Variants in NCKAP5 observed in about 807,000 individuals in gnomAD.
The protein encoded by NCKAP5 is NCK associated protein 5, also known as nck-associated protein 5.
Under a neutral mutation model 167.0 loss-of-function variants are expected in NCKAP5, and 92 were observed. The ratio of observed to expected loss-of-function variants is 0.55; its 90% CI spans 0.47 to 0.66. NCKAP5 has a LOEUF of 0.66. NCKAP5 is among the 30% of genes least tolerant of loss of function. NCKAP5 has a pLI of 0.00. For missense variants in NCKAP5, 2,378 were observed against 2,315.0 expected (o/e 1.03, Z -0.56); for synonymous variants, 891 against 877.4 (o/e 1.02, Z -0.27).
chr2:133,607,791 A>C, the NCKAP5 span, among the ~76,000 whole-genome samples: 1 of 152,196 alleles, frequency 6.6e-6, no homozygotes, highest in African/African-American at 2.4e-5. Flanking sequence ...TATGATTCAA[A>C]CCCTGCCATC....
chr2:133,440,492 C>T lies in NCKAP5; in HGVS notation c.69+76966G>A, dbSNP rs1272690933. On this transcript the variant is annotated intron_variant, in intron 3 of 19. Transcript: ENST00000409261. ...TTGGGAGGCCGAGGAGGGTGGATCA[C>T]AGGGTCAGGAGATCGAGACCATCCT... Among the ~76,000 whole-genome samples, 3 of 151,906 alleles carry T rather than the reference C, an allele frequency of 2.0e-5. No homozygotes were observed. In the East Asian group the frequency reaches 5.8e-4, roughly 29 times the overall value.
the NCKAP5 span, among the ~76,000 whole-genome samples, chr2:133,641,948 T>C: frequency 3.3e-5 from 5 of 152,320 alleles, no homozygotes; most frequent in African/African-American, 1.2e-4. Flanking sequence ...TATAGAAGGA[T>C]ACCTTAGGCT....
chr2:132,991,947 T>G (rs2077461082), intron 7 of NCKAP5, among the ~76,000 whole-genome samples: 1 of 152,236 alleles, frequency 6.6e-6, no homozygotes, highest in African/African-American at 2.4e-5. Context: ...AAATAGAATT[T>G]GTGAGATGAA....
At chr2:132,743,566 G>A (rs977674407) in intron 16 of NCKAP5, among the ~76,000 whole-genome samples, 13 of 151,200 alleles carry the variant, frequency 8.6e-5, no homozygotes, top group Non-Finnish European at 1.8e-4. Context: ...AGTTACAAGA[G>A]GAAATAAAGC....
intron 6 of NCKAP5, among the ~76,000 whole-genome samples, chr2:133,002,255 A>C (rs2077810091): frequency 6.6e-6 from 1 of 152,122 alleles, no homozygotes; most frequent in Non-Finnish European, 1.5e-5. Flanking sequence ...AATGCCTAAA[A>C]CCCTGGATAC....
At chr2:133,575,315 C>A in the NCKAP5 span, among the ~76,000 whole-genome samples, 1 of 152,200 alleles carries the variant, frequency 6.6e-6, no homozygotes, top group Non-Finnish European at 1.5e-5. Context: ...GTACAATAAC[C>A]ATTGTTCAAT....
At chr2:132,938,832 G>A (rs1333252526) in intron 8 of NCKAP5, among the ~76,000 whole-genome samples, 3 of 152,128 alleles carry the variant, frequency 2.0e-5, no homozygotes, top group Non-Finnish European at 4.4e-5. Context: ...GTGTCTGTGA[G>A]GCAAAGTCAA....
At chr2:133,524,503 A>G (rs1684712794) in intron 2 of NCKAP5, among the ~76,000 whole-genome samples, 1 of 152,206 alleles carries the variant, frequency 6.6e-6, no homozygotes, top group African/African-American at 2.4e-5. Context: ...ATGTACGTAT[A>G]TCATAAAACC....
At chr2:133,282,005 G>A (rs996737256) in intron 4 of NCKAP5, among the ~76,000 whole-genome samples, 1 of 152,130 alleles carries the variant, frequency 6.6e-6, no homozygotes, top group Non-Finnish European at 1.5e-5. Context: ...AGAGGAGCAG[G>A]AGTTGCAATT....
chr2:132,862,117 G>C (rs904761336), intron 10 of NCKAP5, among the ~76,000 whole-genome samples: 25 of 152,200 alleles, frequency 1.6e-4, no homozygotes, highest in African/African-American at 5.5e-4. Flanking sequence ...AAGCAAGGGA[G>C]AGCCCAAGCC....
intron 5 of NCKAP5, among the ~76,000 whole-genome samples, chr2:133,180,585 C>T (rs1377647471): frequency 2.0e-5 from 3 of 152,060 alleles, no homozygotes; most frequent in Admixed American, 6.6e-5. Flanking sequence ...GCCATCCATC[C>T]GCCTTGGCCT....
rs1689335104 is a variant in NCKAP5 at position 132,854,813 on chromosome 2, T to C, written c.807+5679A>G. On this transcript the variant is annotated intron_variant, in intron 11 of 19. Transcript: ENST00000409261. ...AATTTGGTAATCGAATGAAGAGGAG[T>C]GGCAGGGGTGGGGTGGGCAGGAGTA... is the stretch of plus-strand genomic sequence containing the variant. 5.3e-5 allele frequency among the ~76,000 whole-genome samples: 8 copies of C among 151,994 alleles called. No homozygotes were observed. The South Asian group carries it at 1.7e-3, about 32-fold the overall frequency.
chr2:133,368,015 C>T (rs143081626), intron 3 of NCKAP5, among the ~76,000 whole-genome samples: 163 of 152,236 alleles, frequency 1.1e-3, no homozygotes, highest in Non-Finnish European at 1.8e-3. Flanking sequence ...AAGTCAGACA[C>T]GTGGATGCTC....
intron 3 of NCKAP5, among the ~76,000 whole-genome samples, chr2:133,437,545 T>C (rs1469122397): frequency 6.6e-6 from 1 of 152,184 alleles, no homozygotes; most frequent in Non-Finnish European, 1.5e-5. Context: ...TGAATATTAC[T>C]TTTTGTACTT....
intron 4 of NCKAP5, chr2:133,267,497 C>G (rs1186082915): frequency 2.0e-5 from 3 of 152,086 alleles, no homozygotes; most frequent in Admixed American, 1.3e-4. Flanking sequence ...GAATAAAGCT[C>G]TTGGGGGGGA....
At chr2:132,746,699 C>A (rs1363134597) in intron 16 of NCKAP5, among the ~76,000 whole-genome samples, 1 of 151,992 alleles carries the variant, frequency 6.6e-6, no homozygotes, top group Non-Finnish European at 1.5e-5. Context: ...CATAATAGCC[C>A]CAACCGGAAA....
intron 3 of NCKAP5, among the ~76,000 whole-genome samples, chr2:133,393,400 G>T (rs1175064649): frequency 1.3e-5 from 2 of 152,134 alleles, no homozygotes; most frequent in African/African-American, 4.8e-5. Context: ...ATCCACACCT[G>T]CCTGGTAGCC....
rs1163142720 is a variant in NCKAP5 at position 132,782,482 on chromosome 2, G to C, written c.4329C>G (p.Ser1443=). 1.2e-6 allele frequency: 2 copies of C among 1,611,584 alleles called. No homozygotes were observed. Among genetic ancestry groups the C allele is most frequent in the African/African-American group, 2.7e-5 (2 of 74,746 alleles). ...GATGCCTTCCAGAAGTTTCTAGCTT[G>C]GATGTACTGCTTGTTTCAAAAGTGC... The part of the protein sequence containing the change: ...HPSTFETSST[S]KLETSGRHPD... Residue 1443 remains serine (S), a synonymous_variant, in exon 14 of 20, where the codon TCC becomes TCG. Transcript: ENST00000409261.
chr2:133,438,957 GAA>G (rs2151155039), intron 3 of NCKAP5, among the ~76,000 whole-genome samples: 1 of 152,328 alleles, frequency 6.6e-6, no homozygotes, highest in South Asian at 2.1e-4. Context: ...GTGTGGAAAT[GAA>G]ATTGAGGTGT....
Sources: gnomAD v4.1 joint callset for allele counts (sites outside exome capture counted in the v4.1 genomes callset) on GRCh38, gnomAD v4.1.1 for gene constraint, MANE v1.5 for transcripts, NCBI Gene and HGNC (gene_info 2026-07-23, HGNC 2026-07-21) for gene names.